Variants in SUCLA2 observed in about 807,000 individuals in gnomAD.
The protein encoded by SUCLA2 is succinate-CoA ligase ADP-forming subunit beta, also known as succinate--CoA ligase [ADP-forming] subunit beta, mitochondrial.
A neutral mutation model predicts 54.8 loss-of-function variants in SUCLA2; 30 were observed. The ratio of observed to expected loss-of-function variants is 0.55; its 90% CI spans 0.41 to 0.74. The LOEUF (loss-of-function observed/expected upper bound fraction) is 0.74. SUCLA2 is among the 30% of genes least tolerant of loss of function. The pLI, the probability that SUCLA2 is intolerant of heterozygous loss-of-function variation, is 0.00. For synonymous variants in SUCLA2, 172 were observed against 188.9 expected (o/e 0.91, Z 0.74); for missense variants, 476 against 562.9 (o/e 0.85, Z 1.56).
At chr13:47,976,373 C>A (rs1322708536) in intron 4 of SUCLA2, among the ~76,000 whole-genome samples, 1 of 152,204 alleles carries the variant, frequency 6.6e-6, no homozygotes, top group Admixed American at 6.5e-5. Context: ...TCCTTCCCCC[C>A]ACCACTCCAA....
intron 4 of SUCLA2, among the ~76,000 whole-genome samples, chr13:47,978,073 T>C (rs1197590580): frequency 6.6e-6 from 1 of 152,158 alleles, no homozygotes; most frequent in African/African-American, 2.4e-5. Flanking sequence ...ATCAATATCA[T>C]GAAAATGGCC....
At chr13:47,988,001 G>C (rs1950116707) in intron 4 of SUCLA2, 1 of 152,384 alleles carries the variant, frequency 6.6e-6, no homozygotes, top group Non-Finnish European at 1.5e-5. Flanking sequence ...TCCATAAAGA[G>C]AGGAGAGCTG....
chr13:47,964,955 T>C (rs961875315), intron 6 of SUCLA2, among the ~76,000 whole-genome samples: 14 of 144,180 alleles, frequency 9.7e-5, no homozygotes, highest in South Asian at 2.2e-4. Flanking sequence ...AGTTAAATTA[T>C]AATTTTATTT....
At chr13:47,943,576 T>C in intron 10 of SUCLA2, 131 bp from the exon 11 acceptor site, 1 of 767,296 alleles carries the variant, frequency 1.3e-6, no homozygotes, top group East Asian at 2.7e-5. Flanking sequence ...TAAATCACAT[T>C]ACGTTCTTAT....
chr13:47,985,672 A>G (rs1950097060), intron 4 of SUCLA2, among the ~76,000 whole-genome samples: 1 of 152,092 alleles, frequency 6.6e-6, no homozygotes, highest in South Asian at 2.1e-4. Flanking sequence ...TGTCTTTGCT[A>G]TTGTGAACAG....
chr13:47,946,090 C>T (rs1949729247), intron 10 of SUCLA2, among the ~76,000 whole-genome samples: 1 of 152,220 alleles, frequency 6.6e-6, no homozygotes, highest in Non-Finnish European at 1.5e-5. Context: ...AGCATTTTAT[C>T]ATCTCATTAT....
At chr13:47,965,243 A>T (rs1758560525) in intron 6 of SUCLA2, among the ~76,000 whole-genome samples, 1 of 152,002 alleles carries the variant, frequency 6.6e-6, no homozygotes, top group African/African-American at 2.4e-5. Flanking sequence ...TAAAAGTTTG[A>T]CAAGGAATAT....
At chr13:47,968,345 G>C (rs1236362902) in intron 6 of SUCLA2, among the ~76,000 whole-genome samples, 1 of 152,186 alleles carries the variant, frequency 6.6e-6, no homozygotes, top group Non-Finnish European at 1.5e-5. Context: ...GGACAGTACA[G>C]TTCCGACCCC....
intron 6 of SUCLA2, among the ~76,000 whole-genome samples, chr13:47,961,976 G>C (rs1218222226): frequency 6.6e-6 from 1 of 152,214 alleles, no homozygotes; most frequent in Non-Finnish European, 1.5e-5. Context: ...CCCTGGATTA[G>C]AGAGACCTTT....
rs1300135578 is a variant in SUCLA2, at chr13:47,943,213, A to G, written c.*158T>C. Reference sequence around the variant, plus strand: ...GTACAAACAGTCCATTCTGAATGGTACAATTAAATGCAGTCCAAATCCTTT... The same window carrying G: ...GTACAAACAGTCCATTCTGAATGGTGCAATTAAATGCAGTCCAAATCCTTT... On this transcript the variant is annotated 3_prime_UTR_variant, in exon 11 of 11. Coordinates refer to ENST00000646932, the MANE Select transcript of SUCLA2 (RefSeq NM_003850.3). 1.3e-6 allele frequency: 1 copy of G among 766,110 alleles called. No individual in the cohort carries two copies. Among genetic ancestry groups the G allele is most frequent in the East Asian group, 2.5e-5 (1 of 39,718 alleles). 47.5% of individuals were successfully genotyped at this position (766,110 alleles called of 1,614,324 possible).
Position 47,943,443 on chromosome 13 carries a change from A to G in SUCLA2, c.1320T>C (p.Val440=), listed in dbSNP as rs140383237. ...CDDLDEAARM[V]VKLSEIVTLA... ...AGGTCACTATTTCAGAGAGCTTTACAACCTAAAAGAAAAGAACGAAGAATT... is the reference window on the plus strand; with the variant it reads ...AGGTCACTATTTCAGAGAGCTTTACGACCTAAAAGAAAAGAACGAAGAATT... Residue 440 remains valine (V), a splice_region_variant and synonymous_variant, in exon 11 of 11, where the codon GTT becomes GTC. Coordinates refer to ENST00000646932, the MANE Select transcript of SUCLA2 (RefSeq NM_003850.3). 4.3e-6 allele frequency: 7 copies of G among 1,613,762 alleles called. No individual in the cohort carries two copies. In the African/African-American group the frequency reaches 6.7e-5, roughly 15 times the overall value.
Position 47,959,040 on chromosome 13 carries a change from A to G in SUCLA2, c.803-4483T>C, listed in dbSNP as rs560134715. Among the ~76,000 whole-genome samples, 4 of 152,214 alleles carry G rather than the reference A, an allele frequency of 2.6e-5. No individual in the cohort carries two copies. The South Asian group carries it at 8.3e-4, about 32-fold the overall frequency. On this transcript the variant is annotated intron_variant, in intron 6 of 10. Transcript: ENST00000646932. ...GAAATACGTTTCTAAAAATTGTGGA[A>G]CTGTTCTCATCTATAAAATGCTAAT...
chr13:47,965,688 T>G, intron 6 of SUCLA2: 1 of 398,436 alleles, frequency 2.5e-6, no homozygotes. Context: ...CTGGCTACAT[T>G]TGAATATGTA....
At chr13:47,995,272 C>G (rs944521602) in intron 2 of SUCLA2, among the ~76,000 whole-genome samples, 1 of 151,078 alleles carries the variant, frequency 6.6e-6, no homozygotes, top group Non-Finnish European at 1.5e-5. Flanking sequence ...AAATCAGGTC[C>G]CATTAACATT....
chr13:47,972,518 A>C (rs1949975737), intron 5 of SUCLA2, among the ~76,000 whole-genome samples: 1 of 151,318 alleles, frequency 6.6e-6, no homozygotes, highest in Non-Finnish European at 1.5e-5. Context: ...AAAACAAAAA[A>C]ATTAGCCAGG....
chr13:47,995,698 G>C (rs965922854), intron 2 of SUCLA2, among the ~76,000 whole-genome samples: 3 of 152,138 alleles, frequency 2.0e-5, no homozygotes, highest in African/African-American at 7.2e-5. Flanking sequence ...ACATAGAAGA[G>C]AGATTATTTA....
intron 1 of SUCLA2, among the ~76,000 whole-genome samples, chr13:47,998,478 G>C (rs1950206315): frequency 6.6e-6 from 1 of 151,986 alleles, no homozygotes; most frequent in South Asian, 2.1e-4. Flanking sequence ...ATTTATAACA[G>C]ACAGAAAACA....
At chr13:47,972,142 C>T (rs1432987911) in intron 5 of SUCLA2, 2 of 318,790 alleles carry the variant, frequency 6.3e-6, no homozygotes, top group Non-Finnish European at 1.1e-5. Context: ...GTAGTCCCAG[C>T]TAGTCGGTAG....
At chr13:47,965,314 A>T (rs1949908221) in intron 6 of SUCLA2, among the ~76,000 whole-genome samples, 1 of 152,044 alleles carries the variant, frequency 6.6e-6, no homozygotes, top group Non-Finnish European at 1.5e-5. Flanking sequence ...TCTATAATGA[A>T]AAAAGCTTCT....
Sources: gnomAD v4.1 joint callset for allele counts (sites outside exome capture counted in the v4.1 genomes callset) on GRCh38, gnomAD v4.1.1 for gene constraint, MANE v1.5 for transcripts, NCBI Gene and HGNC (gene_info 2026-07-23, HGNC 2026-07-21) for gene names.